Variants in CIZ1 observed in about 807,000 individuals in gnomAD.
CIZ1 encodes CDKN1A interacting zinc finger protein 1, also known as cip1-interacting zinc finger protein.
CIZ1 carries 58 observed loss-of-function variants against 118.6 expected under a neutral mutation model. That is an observed-to-expected ratio of 0.49 (90% confidence interval 0.40 to 0.61). The LOEUF (loss-of-function observed/expected upper bound fraction) is 0.61. Among genes scored for constraint, CIZ1 ranks in the 20% least tolerant of loss-of-function variants. The probability of loss-of-function intolerance (pLI) is 0.00; values close to 1 mark genes in which losing one functional copy is unlikely to be tolerated. For synonymous variants in CIZ1, 448 were observed against 443.4 expected, an observed-to-expected ratio of 1.01 and a Z score of -0.13; for missense variants, 921 against 1,115.9, an observed-to-expected ratio of 0.83 and a Z score of 2.49.
At chr9:128,180,149 A>C (rs545336988) in intron 7 of CIZ1, among the ~76,000 whole-genome samples, 1 of 152,142 alleles carries the variant, frequency 6.6e-6, no homozygotes, top group Non-Finnish European at 1.5e-5. Flanking sequence ...CTACGGTCCC[A>C]GATGAACGTC....
In CIZ1 at chr9:128,177,546, C is replaced by CCAAA; in HGVS notation, c.1818+19_1818+20insTTTG. On this transcript the variant is annotated intron_variant, in intron 10 of 16. Coordinates refer to ENST00000372938, the MANE Select transcript of CIZ1 (RefSeq NM_001131016.2). The stretch of plus-strand genomic sequence containing the variant: ...CACGCAGGCCCCACCCCTCCCCACC[C>CCAAA]TTATCTCCTGTATCAGTACCTGCTG... 4 of 1,353,448 alleles carry CCAAA rather than the reference C, an allele frequency of 3.0e-6. No individual in the cohort carries two copies. The highest frequency in any genetic ancestry group is 3.9e-6 in the Non-Finnish European group (4 of 1,013,744). 83.8% of individuals were successfully genotyped at this position (1,353,448 alleles called of 1,614,324 possible).
At position 128,178,943 on chromosome 9, in the gene CIZ1, G is replaced by T. The variant is rs374131435; in HGVS notation, c.1264C>A (p.Gln422Lys). The change falls in exon 8 of 17, where the codon CAG becomes AAG. Residue 422 changes from glutamine to lysine, a missense_variant. Gln to Lys is a moderately conservative substitution (Grantham distance 53, BLOSUM62 1). Transcript: ENST00000372938. ...TGTGTCTGGACCTGCTTCTGCAGCT[G>T]CAGCTGCACCTGCCTTGGGGGCTGT... ...HSQPPRQVQL[Q>K]LQKQVQTQTY... is the part of the protein sequence containing the mutation. The T allele has an allele frequency of 9.3e-6, 15 of 1,613,506 alleles. No individual in the cohort carries two copies. In the African/African-American group the frequency reaches 1.5e-4, roughly 16 times the overall value.
chr9:128,188,016 ACAACATATTCATCCCAGGGTTACTT>A, intron 3 of CIZ1, 82 bp from the exon 4 acceptor site: 1 of 429,708 alleles, frequency 2.3e-6, no homozygotes. Flanking sequence ...ACAATCTCAA[ACAACATATTCATCCCAGGGTTACTT>A]AAAACAGCAA....
chr9:128,173,822 C>T (rs1378152514), intron 11 of CIZ1, among the ~76,000 whole-genome samples: 8 of 151,864 alleles, frequency 5.3e-5, no homozygotes, highest in East Asian at 2.0e-4. Context: ...CTGGCTAACA[C>T]AGAGAAACCC....
At chr9:128,181,683 C>T (rs1170275201) in intron 5 of CIZ1, among the ~76,000 whole-genome samples, 1 of 151,992 alleles carries the variant, frequency 6.6e-6, no homozygotes, top group African/African-American at 2.4e-5. Context: ...TGGGAAGACG[C>T]CCGTTACCAG....
chr9:128,185,717 G>A lies in CIZ1; in HGVS notation c.418C>T (p.Pro140Ser). The change falls in exon 5 of 17, where the codon CCA (proline) becomes TCA (serine). Residue 140 changes from proline to serine, a missense_variant. By Grantham distance (74) the Pro-to-Ser change is moderately conservative. Coordinates refer to ENST00000372938, the MANE Select transcript of CIZ1 (RefSeq NM_001131016.2). ...PGLAAPSLTPPQLATPNLQQF... is the reference protein window; with the variant it reads ...PGLAAPSLTPSQLATPNLQQF... ...TGCAAATTTGGAGTGGCCAGTTGTGGGGGTGTGAGGCTGGGGGCTGCGAGG... is the reference window on the plus strand; with the variant it reads ...TGCAAATTTGGAGTGGCCAGTTGTGAGGGTGTGAGGCTGGGGGCTGCGAGG... The A allele has an allele frequency of 6.2e-7, 1 of 1,612,548 alleles. No individual in the cohort carries two copies. The highest frequency in any genetic ancestry group is 8.5e-7 in the Non-Finnish European group (1 of 1,179,244).
chr9:128,185,559 G>A lies in CIZ1; in HGVS notation c.576C>T (p.Thr192=), dbSNP rs139263145. ...ACCTACCACTCACCTTTCGATTGGG[G>A]GTGGTAGAGGAGGAGGTCCGGGCCT... ...QKQARTSSST[T]PNRKDSSSQT... Residue 192 remains threonine (T), a synonymous_variant, in exon 5 of 17, where the codon ACC becomes ACT. Coordinates refer to ENST00000372938, the MANE Select transcript of CIZ1 (RefSeq NM_001131016.2). The A allele has an allele frequency of 1.3e-4, 195 of 1,516,524 alleles. No individual in the cohort carries two copies. The African/African-American group carries it at 2.1e-3, about 17-fold the overall frequency. The allele number at this position is 1,516,524 out of a possible 1,614,324, so 93.9% of individuals were successfully genotyped here.
intron 3 of CIZ1, among the ~76,000 whole-genome samples, chr9:128,189,824 CAAAAAAAAAAAAAAAAAAAAAA>C (rs56177059): frequency 7.1e-5 from 3 of 42,244 alleles, no homozygotes; most frequent in African/African-American, 1.9e-4. Flanking sequence ...AACTCTGTCT[CAAAAAAAAAAAAAAAAAAAAAA>C]AAAAAAAAAA....
At chr9:128,192,027 C>A (rs946216147), upstream of CIZ1, 49 of 815,646 alleles carry the variant, frequency 6.0e-5, no homozygotes, top group Non-Finnish European at 8.0e-5. Context: ...GAGGGAGAGT[C>A]CCCCTCCAAG....
In CIZ1 at chr9:128,179,266, C is replaced by G; in HGVS notation, c.941G>C (p.Arg314Pro). Residue 314 changes from arginine (R) to proline (P), a missense_variant, in exon 8 of 17, where the codon CGG becomes CCG. Arg to Pro is a moderately radical substitution (Grantham distance 103). Transcript: ENST00000372938. ...EAQVLPRFQP[R>P]VLQVQAQVQS... ...CACCTGGGCCTGGACCTGCAGGACC[C>G]GTGGCTGGAATCGTGGCAGCACTTG... The G allele has an allele frequency of 6.2e-7, 1 of 1,614,128 alleles. No homozygotes were observed. The highest frequency in any genetic ancestry group is 8.5e-7 in the Non-Finnish European group (1 of 1,180,018).
At chr9:128,185,470 C>A (rs1215772964) in intron 5 of CIZ1, 77 bp downstream of exon 5, 14 of 952,428 alleles carry the variant, frequency 1.5e-5, no homozygotes, top group South Asian at 1.7e-5. Flanking sequence ...AAGGCCCAGA[C>A]TGAGCCAGAG....
intron 1 of CIZ1, among the ~76,000 whole-genome samples, chr9:128,202,354 A>G (rs1188333189): frequency 6.6e-6 from 1 of 152,154 alleles, no homozygotes; most frequent in East Asian, 1.9e-4. Flanking sequence ...TCAGGGCCCC[A>G]TGGTCTGTCT....
chr9:128,168,849 G>C (rs1829772756), intron 14 of CIZ1: 2 of 717,260 alleles, frequency 2.8e-6, no homozygotes, highest in Non-Finnish European at 2.2e-6. Flanking sequence ...TTTCAGTCAG[G>C]CTTTGCATAT....
chr9:128,169,479 T>G lies in CIZ1; in HGVS notation c.2072A>C (p.Asn691Thr). 6.2e-7 allele frequency: 1 copy of G among 1,614,054 alleles called. No homozygotes were observed. Among genetic ancestry groups the G allele is most frequent in the Non-Finnish European group, 8.5e-7 (1 of 1,180,008 alleles). ...CTTGCGAGGGGTTTTGAAGTAGCGG[T>G]TGCAAACGGTGCAGAAGGGTCGCAA... ...QSLRPFCTVC[N>T]RYFKTPRKFV... Residue 691 changes from asparagine to threonine, a missense_variant, in exon 13 of 17, where the codon AAC becomes ACC. Transcript: ENST00000372938.
chr9:128,202,750 A>G (rs931373845), intron 1 of CIZ1: 1 of 151,550 alleles, frequency 6.6e-6, no homozygotes, highest in African/African-American at 2.4e-5. Context: ...TTACTATTTC[A>G]TTTATCTGCT....
Position 128,170,109 on chromosome 9 carries a change from T to A in CIZ1, c.1944-2A>T. 1 of 1,565,120 alleles carries A rather than the reference T, an allele frequency of 6.4e-7. No individual in the cohort carries two copies. The highest frequency in any genetic ancestry group is 8.7e-7 in the Non-Finnish European group (1 of 1,150,246). On this transcript the variant is annotated splice_acceptor_variant, in intron 11 of 16. Coordinates refer to ENST00000372938, the MANE Select transcript of CIZ1 (RefSeq NM_001131016.2). LOFTEE classifies it high-confidence loss of function. ...CACCAGCGCCTTGGTGGAGGCTCCC[T>A]GAATGACAACAGTCAAAGCAAGTAC...
At chr9:128,167,282 G>A (rs1228730409) in intron 14 of CIZ1, 118 bp from the exon 15 acceptor site, 4 of 734,436 alleles carry the variant, frequency 5.4e-6, no homozygotes, top group Non-Finnish European at 8.8e-6. Flanking sequence ...TTGATTTCCA[G>A]GAGGTAGTGG....
rs1048463645 is a variant in CIZ1, at chr9:128,203,647, C to T, written c.-6+539G>A. The T allele has an allele frequency of 6.6e-7, 1 of 1,507,118 alleles. No homozygotes were observed. 93.4% of individuals were successfully genotyped at this position (1,507,118 alleles called of 1,614,324 possible). On this transcript the variant is annotated intron_variant, in intron 1 of 17. Transcript: ENST00000372948. This position sits in a 1 kb window ranked among gnomAD's most constrained non-coding sequence, Gnocchi z 5.3. ...TCGTAGGCAGGTAGGCGCGGCGCGC[C>T]CCCAGGCGCCGACCCCCGACCCCCG...
At chr9:128,173,465 A>G (rs1477512294) in intron 11 of CIZ1, among the ~76,000 whole-genome samples, 9 of 151,302 alleles carry the variant, frequency 5.9e-5, no homozygotes, top group Non-Finnish European at 1.3e-4. Context: ...TTTATAGTTT[A>G]CAGAGACACA....
Sources: gnomAD v4.1 joint callset for allele counts (sites outside exome capture counted in the v4.1 genomes callset) on GRCh38, gnomAD v4.1.1 for gene constraint, Gnocchi (gnomAD v3.1) non-coding constraint, MANE v1.5 for transcripts, NCBI Gene and HGNC (gene_info 2026-07-23, HGNC 2026-07-21) for gene names.